Variants in DIPK1A observed in about 807,000 individuals in gnomAD.
The protein encoded by DIPK1A is divergent protein kinase domain 1A, also known as family with sequence similarity 69 member A.
DIPK1A carries 27 observed loss-of-function variants against 40.8 expected under a neutral mutation model. The ratio of observed to expected loss-of-function variants is 0.66; its 90% CI spans 0.49 to 0.91. The LOEUF is 0.91. DIPK1A is among the 40% of genes least tolerant of loss of function. DIPK1A has a pLI of 0.00. For synonymous variants in DIPK1A, 166 were observed against 171.3 expected (o/e 0.97, Z 0.24); for missense variants, 412 against 505.7 (o/e 0.81, Z 1.78).
At chr1:92,936,527 G>A (rs1650952018) in intron 1 of DIPK1A, among the ~76,000 whole-genome samples, 1 of 151,762 alleles carries the variant, frequency 6.6e-6, no homozygotes, top group African/African-American at 2.4e-5. Context: ...TACTCAGGAG[G>A]CTGAGGCAGA....
At position 92,834,847 on chromosome 1, in the gene DIPK1A, T is replaced by C. The variant is rs113792800; in HGVS notation, c.475-1813A>G. ...CGTATGCACACGAACTGCCAAAATA[T>C]GGTGTGAAGGTTGGCCTGACAAATT... is the stretch of plus-strand genomic sequence containing the variant. On this transcript the variant is annotated intron_variant, in intron 4 of 4. Coordinates refer to the DIPK1A transcript ENST00000615519. The C allele has an allele frequency of 2.5e-3, 4,033 of 1,609,238 alleles. 63 individuals carry two copies. The highest frequency in any genetic ancestry group is 0.024 in the South Asian group (2,160 of 91,082).
downstream of DIPK1A, chr1:92,842,029 T>TAA (rs913252201): frequency 2.4e-5 from 19 of 781,778 alleles, no homozygotes; most frequent in African/African-American, 3.4e-4. Flanking sequence ...AAAACAAGTG[T>TAA]AACTAACTTT....
At chr1:92,918,499 T>C (rs1190305441) in intron 1 of DIPK1A, among the ~76,000 whole-genome samples, 1 of 152,238 alleles carries the variant, frequency 6.6e-6, no homozygotes, top group African/African-American at 2.4e-5. Flanking sequence ...ATTTCTCATT[T>C]ATAAATACAT....
At chr1:92,850,107 A>C (rs955234764) in intron 3 of DIPK1A, among the ~76,000 whole-genome samples, 1 of 151,952 alleles carries the variant, frequency 6.6e-6, no homozygotes, top group Non-Finnish European at 1.5e-5. Context: ...AGTAGCTAGA[A>C]CCACAGGTGT....
chr1:92,846,813 A>ATGTGTG (rs1157383975), intron 4 of DIPK1A, among the ~76,000 whole-genome samples: 2 of 3,652 alleles, frequency 5.5e-4, no homozygotes, highest in Non-Finnish European at 7.8e-4. Flanking sequence ...ATATATATAT[A>ATGTGTG]TATATATATA....
chr1:92,864,505 T>C (rs1647441866), intron 2 of DIPK1A, among the ~76,000 whole-genome samples: 1 of 152,158 alleles, frequency 6.6e-6, no homozygotes, highest in African/African-American at 2.4e-5. Context: ...TCAGAAGAGA[T>C]CAATATTAAA....
At chr1:92,935,653 T>C (rs1293339268) in intron 1 of DIPK1A, among the ~76,000 whole-genome samples, 1 of 152,192 alleles carries the variant, frequency 6.6e-6, no homozygotes, top group Admixed American at 6.5e-5. Context: ...ATTAGTTTTA[T>C]CATTTAAAAT....
chr1:92,943,771 C>A (rs1651261053), intron 1 of DIPK1A, among the ~76,000 whole-genome samples: 1 of 152,168 alleles, frequency 6.6e-6, no homozygotes, highest in Non-Finnish European at 1.5e-5. Context: ...GGTGATAGGT[C>A]TAATGGGAAA....
intron 3 of DIPK1A, 73 bp from the exon 4 acceptor site, chr1:92,847,432 T>TTAG: frequency 1.0e-6 from 1 of 990,438 alleles, no homozygotes; most frequent in Non-Finnish European, 1.4e-6. Flanking sequence ...ACTATATTTT[T>TTAG]AGGGTCCTCC....
At chr1:92,938,209 C>T (rs1296407835) in intron 1 of DIPK1A, among the ~76,000 whole-genome samples, 3 of 151,228 alleles carry the variant, frequency 2.0e-5, no homozygotes, top group Non-Finnish European at 4.4e-5. Flanking sequence ...TGGTGCACAC[C>T]TGTAGTCCCA....
chr1:92,837,148 T>C (rs1371837430), intron 4 of DIPK1A: 1 of 473,056 alleles, frequency 2.1e-6, no homozygotes, highest in Non-Finnish European at 4.0e-6. Flanking sequence ...AATTAAAGGA[T>C]TTAGAGTATA....
intron 1 of DIPK1A, among the ~76,000 whole-genome samples, chr1:92,882,694 C>T (rs1397769938): frequency 1.3e-5 from 2 of 152,076 alleles, no homozygotes; most frequent in East Asian, 1.9e-4. Flanking sequence ...TTTCAGTAAG[C>T]AATTTTTATA....
At chr1:92,900,192 G>A (rs545228323) in intron 1 of DIPK1A, among the ~76,000 whole-genome samples, 1 of 152,270 alleles carries the variant, frequency 6.6e-6, no homozygotes, top group East Asian at 1.9e-4. Flanking sequence ...ATTTCATCAA[G>A]TAGGTTTTCT....
intron 1 of DIPK1A, among the ~76,000 whole-genome samples, chr1:92,944,795 C>T (rs1651299730): frequency 6.6e-6 from 1 of 151,992 alleles, no homozygotes; most frequent in African/African-American, 2.4e-5. Flanking sequence ...GTATTAGGAT[C>T]ACTTGAACCC....
intron 1 of DIPK1A, among the ~76,000 whole-genome samples, chr1:92,939,539 T>C (rs539722299): frequency 6.6e-6 from 1 of 152,322 alleles, no homozygotes; most frequent in African/African-American, 2.4e-5. Context: ...TCTGCTTCTA[T>C]TTGTAGACTT....
intron 1 of DIPK1A, among the ~76,000 whole-genome samples, chr1:92,891,865 A>G (rs1648899344): frequency 6.6e-6 from 1 of 152,210 alleles, no homozygotes; most frequent in Admixed American, 6.5e-5. Context: ...ATTATATCCT[A>G]CGCATGGCTT....
At chr1:92,914,555 G>A (rs1274148844) in intron 1 of DIPK1A, among the ~76,000 whole-genome samples, 1 of 151,062 alleles carries the variant, frequency 6.6e-6, no homozygotes, top group Non-Finnish European at 1.5e-5. Context: ...GATCACTTGA[G>A]GTCAAGAGTT....
chr1:92,874,885 T>C (rs1407260201), intron 2 of DIPK1A, among the ~76,000 whole-genome samples: 3 of 152,134 alleles, frequency 2.0e-5, no homozygotes, highest in Non-Finnish European at 4.4e-5. Context: ...ATGCTAAGGA[T>C]TAATGAACAT....
chr1:92,844,704 C>T (rs1454535113), intron 4 of DIPK1A, among the ~76,000 whole-genome samples: 2 of 152,186 alleles, frequency 1.3e-5, no homozygotes, highest in Non-Finnish European at 2.9e-5. Flanking sequence ...GCTCGGATTA[C>T]AGGCATGAGC....
Sources: gnomAD v4.1 joint callset for allele counts (sites outside exome capture counted in the v4.1 genomes callset) on GRCh38, gnomAD v4.1.1 for gene constraint, MANE v1.5 for transcripts, NCBI Gene and HGNC (gene_info 2026-07-23, HGNC 2026-07-21) for gene names.